RASGEF1C: variants seen among roughly 807,000 people sequenced by gnomAD.
The protein encoded by RASGEF1C is RasGEF domain family member 1C, also known as ras-GEF domain-containing family member 1C.
RASGEF1C carries 27 observed loss-of-function variants against 58.1 expected under a neutral mutation model. That is an observed-to-expected ratio of 0.46 (90% CI 0.34 to 0.64). RASGEF1C has a LOEUF of 0.64. Ranked by LOEUF, RASGEF1C falls within the 30% of genes least tolerant of loss-of-function variation. The pLI is 0.01. For synonymous variants in RASGEF1C, 243 were observed against 246.3 expected, an observed-to-expected ratio of 0.99 and a Z score of 0.13; for missense variants, 502 against 605.1, an observed-to-expected ratio of 0.83 and a Z score of 1.79.
At position 180,168,593 on chromosome 5, in the gene RASGEF1C, G is replaced by C; in HGVS notation, c.-6-30535C>G. The stretch of plus-strand genomic sequence containing the variant: ...CTTGGTTTTGCTGTGCACTTGCCAG[G>C]GCTATGCCTGATTCCAGGGCCAAGG... On this transcript the variant is annotated intron_variant, in intron 1 of 13. Transcript: ENST00000361132. The surrounding 1 kb of genome is among the most constrained non-coding windows in gnomAD (Gnocchi z 6.0). Among the ~76,000 whole-genome samples, 1 of 152,134 alleles carries C rather than the reference G, an allele frequency of 6.6e-6. No individual in the cohort carries two copies.
rs531932458 is a variant in RASGEF1C at position 180,158,383 on chromosome 5, T to C, written c.-6-20325A>G. On this transcript the variant is annotated intron_variant, in intron 1 of 13. Transcript: ENST00000361132. This position sits in a 1 kb window ranked among gnomAD's most constrained non-coding sequence, Gnocchi z 4.0. ...TGGAGCACATACTCTAGTAGCTTTT[T>C]GAGAAGAGGTGCTTAGGAAGTAAAT... is the stretch of plus-strand genomic sequence containing the variant. Among the ~76,000 whole-genome samples, 1 of 152,326 alleles carries C rather than the reference T, an allele frequency of 6.6e-6. No individual in the cohort carries two copies. The highest frequency in any genetic ancestry group is 6.5e-5 in the Admixed American group (1 of 15,302).
At chr5:180,204,432 G>A (rs987681936) in intron 1 of RASGEF1C, among the ~76,000 whole-genome samples, 16 of 152,132 alleles carry the variant, frequency 1.1e-4, no homozygotes, top group Non-Finnish European at 1.9e-4. Context: ...ATATTCATAC[G>A]TTTTGTGTCT....
intron 1 of RASGEF1C, 46 bp from the exon 2 acceptor site, chr5:180,138,104 A>T: frequency 8.2e-7 from 1 of 1,216,104 alleles, no homozygotes; most frequent in Non-Finnish European, 1.1e-6. Flanking sequence ...GGCACACCTG[A>T]GTTGGGTGCA....
chr5:180,107,063 CT>C (rs1358155745), intron 12 of RASGEF1C, among the ~76,000 whole-genome samples: 1 of 152,138 alleles, frequency 6.6e-6, no homozygotes, highest in Admixed American at 6.5e-5. Flanking sequence ...TGTGCTTTAT[CT>C]GAAATTAATA....
chr5:180,146,343 G>A (rs1056751697), intron 1 of RASGEF1C, among the ~76,000 whole-genome samples: 1 of 152,116 alleles, frequency 6.6e-6, no homozygotes, highest in Non-Finnish European at 1.5e-5. Context: ...TTTTAACACG[G>A]TTTCACCATG....
intron 4 of RASGEF1C, among the ~76,000 whole-genome samples, chr5:180,134,929 A>C: frequency 4.4e-5 from 1 of 22,906 alleles, no homozygotes. Context: ...TACCCCATGC[A>C]TCCACCTGCC....
chr5:180,152,312 C>G (rs1269761275), intron 1 of RASGEF1C, among the ~76,000 whole-genome samples: 6 of 152,026 alleles, frequency 3.9e-5, no homozygotes, highest in African/African-American at 1.4e-4. Flanking sequence ...TGGAACCAAC[C>G]CAAATGTCCA....
intron 1 of RASGEF1C, among the ~76,000 whole-genome samples, chr5:180,208,343 A>C (rs1455103576): frequency 2.6e-5 from 4 of 151,762 alleles, no homozygotes; most frequent in Admixed American, 6.6e-5. Context: ...TGTCTTTCCC[A>C]CAGTTTCCCA....
intron 1 of RASGEF1C, among the ~76,000 whole-genome samples, chr5:180,193,216 C>G (rs531452844): frequency 1.6e-5 from 2 of 122,308 alleles, no homozygotes; most frequent in Non-Finnish European, 3.7e-5. Flanking sequence ...CCACCGCACC[C>G]GGCTAATTTC....
intron 1 of RASGEF1C, among the ~76,000 whole-genome samples, chr5:180,153,620 C>T (rs181800899): frequency 8.1e-4 from 124 of 152,328 alleles, no homozygotes; most frequent in Middle Eastern, 6.8e-3. Context: ...CTCTTCATTA[C>T]ATCTTTAACT....
intron 1 of RASGEF1C, among the ~76,000 whole-genome samples, chr5:180,194,690 C>T (rs10063081): frequency 0.075 from 11,430 of 152,264 alleles, 892 homozygotes; most frequent in African/African-American, 0.18. Flanking sequence ...GACTGATGGG[C>T]GCTACCGTCA....
intron 12 of RASGEF1C, among the ~76,000 whole-genome samples, chr5:180,103,277 C>G (rs925708149): frequency 6.6e-6 from 1 of 152,184 alleles, no homozygotes; most frequent in Non-Finnish European, 1.5e-5. Context: ...TGGGGTTTCA[C>G]CGTGTTAGCC....
chr5:180,144,686 G>A (rs576007091), intron 1 of RASGEF1C, among the ~76,000 whole-genome samples: 17 of 152,210 alleles, frequency 1.1e-4, no homozygotes, highest in Admixed American at 9.8e-4. Flanking sequence ...TAAATTTACC[G>A]TGTAAAGTTC....
chr5:180,135,986 A>C (rs11249672), intron 4 of RASGEF1C, among the ~76,000 whole-genome samples: 139,304 of 152,294 alleles, frequency 0.91, 65,022 homozygotes, highest in East Asian at 1. Context: ...CAGCACTGAC[A>C]ACCAGCCCAG....
At chr5:180,101,876 A>G (rs1461865638) in intron 13 of RASGEF1C, among the ~76,000 whole-genome samples, 195 bp downstream of exon 13, 1 of 151,962 alleles carries the variant, frequency 6.6e-6, no homozygotes, top group African/African-American at 2.4e-5. Context: ...TCCTCTCCTC[A>G]CCCCTATGAC....
intron 4 of RASGEF1C, among the ~76,000 whole-genome samples, chr5:180,133,026 C>T (rs1000133140): frequency 6.6e-6 from 1 of 151,396 alleles, no homozygotes; most frequent in Non-Finnish European, 1.5e-5. Context: ...CCTGTTGAGT[C>T]GGCCTCCTCT....
chr5:180,183,622 C>G (rs975490954), intron 1 of RASGEF1C, among the ~76,000 whole-genome samples: 1 of 151,942 alleles, frequency 6.6e-6, no homozygotes, highest in Non-Finnish European at 1.5e-5. Flanking sequence ...GTCGGGAGTA[C>G]AAGACCAGCC....
intron 1 of RASGEF1C, among the ~76,000 whole-genome samples, chr5:180,174,436 GTGT>G (rs1767176511): frequency 6.8e-6 from 1 of 146,788 alleles, no homozygotes; most frequent in Non-Finnish European, 1.5e-5. Flanking sequence ...GCACACGTGT[GTGT>G]CTGTGCATGT....
intron 1 of RASGEF1C, among the ~76,000 whole-genome samples, chr5:180,171,075 C>T (rs558862118): frequency 6.6e-5 from 10 of 152,148 alleles, no homozygotes; most frequent in East Asian, 1.9e-4. Context: ...CAGTGTGAGA[C>T]GCGTGCAGCC....
Sources: allele counts gnomAD v4.1 joint callset (sites outside exome capture counted in the v4.1 genomes callset), GRCh38; gene constraint gnomAD v4.1.1; non-coding constraint Gnocchi (gnomAD v3.1); transcripts MANE v1.5; gene names NCBI Gene and HGNC (gene_info 2026-07-23, HGNC 2026-07-21).